ADD3: variants seen among roughly 807,000 people sequenced by gnomAD.
ADD3 encodes adducin 3.
In ADD3, 25 loss-of-function variants were observed where a neutral mutation model predicts 80.2. The observed-to-expected ratio is 0.31, with a 90% CI of 0.23 to 0.44. The LOEUF (loss-of-function observed/expected upper bound fraction) is 0.44, where lower values mean the gene tolerates loss of function less well. Among genes scored for constraint, ADD3 ranks in the 20% least tolerant of loss-of-function variants. The probability of loss-of-function intolerance (pLI) is 1.00; values close to 1 mark genes in which losing one functional copy is unlikely to be tolerated. For missense variants in ADD3, 829 were observed against 847.5 expected (o/e 0.98, Z 0.27); for synonymous variants, 284 against 289.6 (o/e 0.98, Z 0.20).
At chr10:110,063,737 T>TCATA (rs1554926923) in intron 1 of ADD3, among the ~76,000 whole-genome samples, 2 of 64,656 alleles carry the variant, frequency 3.1e-5, no homozygotes, top group African/African-American at 6.1e-5. Context: ...TATATATTCA[T>TCATA]TATATATATA....
intron 1 of ADD3, among the ~76,000 whole-genome samples, chr10:110,080,945 A>T (rs1845988217): frequency 6.6e-6 from 1 of 152,194 alleles, no homozygotes; most frequent in South Asian, 2.1e-4. Flanking sequence ...CACACATAGG[A>T]TATTTAGCAT....
In ADD3 at chr10:110,010,477, T is replaced by A. The variant is rs556705634; in HGVS notation, c.-30+2178T>A. Among the ~76,000 whole-genome samples, 26 of 152,308 alleles carry A rather than the reference T, an allele frequency of 1.7e-4. No homozygotes were observed. The South Asian group carries it at 5.2e-3, about 30-fold the overall frequency. Reference sequence around the variant, plus strand: ...CATCAGAACTTTAGCTTAACCGAGTTGTTATATGTAAAGTGCTTAGAATGG... The same window carrying A: ...CATCAGAACTTTAGCTTAACCGAGTAGTTATATGTAAAGTGCTTAGAATGG... On this transcript the variant is annotated intron_variant, in intron 1 of 14. Transcript: ENST00000356080.
chr10:110,096,846 A>AT (rs1848228919), intron 1 of ADD3, among the ~76,000 whole-genome samples: 1 of 152,196 alleles, frequency 6.6e-6, no homozygotes, highest in African/African-American at 2.4e-5. Flanking sequence ...CCGTCTTTGA[A>AT]AAACGATGTA....
intron 2 of ADD3, among the ~76,000 whole-genome samples, chr10:110,101,226 C>T (rs2133955665): frequency 6.6e-6 from 1 of 152,288 alleles, no homozygotes; most frequent in East Asian, 1.9e-4. Flanking sequence ...TACCTTGACG[C>T]TCAGAGTGGC....
chr10:110,024,317 G>A (rs1319405432), intron 1 of ADD3, among the ~76,000 whole-genome samples: 2 of 152,118 alleles, frequency 1.3e-5, no homozygotes, highest in Admixed American at 1.3e-4. Context: ...GGTTTATCTT[G>A]AAACTTCAAA....
intron 12 of ADD3, among the ~76,000 whole-genome samples, chr10:110,130,056 A>G (rs1037384024): frequency 2.0e-5 from 3 of 152,122 alleles, no homozygotes; most frequent in Admixed American, 2.0e-4. Context: ...TGTTTTTTTC[A>G]AGTTTTTTTT....
At chr10:110,021,323 G>A (rs186788284) in intron 1 of ADD3, among the ~76,000 whole-genome samples, 72 of 152,264 alleles carry the variant, frequency 4.7e-4, no homozygotes. Flanking sequence ...AGTTAACGTG[G>A]TTAAAAATGG....
intron 1 of ADD3, among the ~76,000 whole-genome samples, chr10:110,083,926 T>C (rs2133799831): frequency 6.6e-6 from 1 of 152,288 alleles, no homozygotes; most frequent in Non-Finnish European, 1.5e-5. Context: ...ACACAAAATA[T>C]TTACCAAACT....
In ADD3 at chr10:110,124,067, T is replaced by C; in HGVS notation, c.1194T>C (p.Pro398=). The change falls in exon 10 of 15, where the codon CCT becomes CCC. Residue 398 remains proline (P), a synonymous_variant. Coordinates refer to ENST00000356080, the MANE Select transcript of ADD3 (RefSeq NM_016824.5). Reference sequence around the variant, plus strand: ...GGCATCCTCTCATTCGAGAGAAGCCTAGGCACAAGAGTGATGTGGAAATCC... The same window carrying C: ...GGCATCCTCTCATTCGAGAGAAGCCCAGGCACAAGAGTGATGTGGAAATCC... ...AYRHPLIREK[P]RHKSDVEIPA... 1 of 1,614,168 alleles carries C rather than the reference T, an allele frequency of 6.2e-7. No individual in the cohort carries two copies. Among genetic ancestry groups the C allele is most frequent in the Non-Finnish European group, 8.5e-7 (1 of 1,179,998 alleles).
chr10:110,126,745 CTG>C (rs1308355584), intron 12 of ADD3, among the ~76,000 whole-genome samples: 1 of 152,172 alleles, frequency 6.6e-6, no homozygotes, highest in East Asian at 1.9e-4. Context: ...AGGTCTCACT[CTG>C]TTGCCCAGGA....
chr10:110,083,915 GAC>G (rs1846377773), intron 1 of ADD3, among the ~76,000 whole-genome samples: 2 of 152,238 alleles, frequency 1.3e-5, no homozygotes, highest in East Asian at 1.9e-4. Context: ...ATCAAAAGTA[GAC>G]ACAAAATATT....
rs1589676324 is a variant in ADD3 at position 109,998,519 on chromosome 10, G to A, written n.79+2073G>A. On this transcript the variant is annotated intron_variant and non_coding_transcript_variant, in intron 1 of 5. Transcript: ENST00000468251. Reference sequence around the variant, plus strand: ...GTGTTCATTCTGCACATAGCAGCCAGGAAATTCCAAAAATGCAAATGAGAC... The same window carrying A: ...GTGTTCATTCTGCACATAGCAGCCAAGAAATTCCAAAAATGCAAATGAGAC... 2.0e-5 allele frequency among the ~76,000 whole-genome samples: 3 copies of A among 152,256 alleles called. No homozygotes were observed. In the East Asian group the frequency reaches 5.8e-4, roughly 29 times the overall value.
At chr10:110,005,124 G>A (rs888307918), upstream of ADD3, among the ~76,000 whole-genome samples, 4 of 151,846 alleles carry the variant, frequency 2.6e-5, no homozygotes, top group Non-Finnish European at 5.9e-5. Flanking sequence ...GTGCAGTGGC[G>A]CGATCTTGGC....
At chr10:110,028,715 A>G (rs1262833560) in intron 1 of ADD3, among the ~76,000 whole-genome samples, 1 of 152,224 alleles carries the variant, frequency 6.6e-6, no homozygotes, top group African/African-American at 2.4e-5. Flanking sequence ...AGAATCATTC[A>G]TACTCTGCAT....
chr10:110,083,449 G>T (rs577617879), intron 1 of ADD3, among the ~76,000 whole-genome samples: 2 of 152,218 alleles, frequency 1.3e-5, no homozygotes, highest in East Asian at 3.9e-4. Context: ...CTGGGAGGCG[G>T]GGCTTGCAGT....
At chr10:110,129,406 T>C (rs901468511) in intron 12 of ADD3, among the ~76,000 whole-genome samples, 2 of 151,936 alleles carry the variant, frequency 1.3e-5, no homozygotes, top group African/African-American at 4.8e-5. Flanking sequence ...GCCTTGGCCT[T>C]CCAAAGTGCT....
chr10:110,025,869 ATC>A (rs1420529509), intron 1 of ADD3, among the ~76,000 whole-genome samples: 1 of 152,154 alleles, frequency 6.6e-6, no homozygotes, highest in African/African-American at 2.4e-5. Context: ...AGAGACCCCA[ATC>A]TCTCAGATTT....
chr10:110,033,577 C>G (rs755687577), intron 1 of ADD3, among the ~76,000 whole-genome samples: 1 of 152,028 alleles, frequency 6.6e-6, no homozygotes, highest in Non-Finnish European at 1.5e-5. Flanking sequence ...CAGATGGGCC[C>G]GTTTCTGGGG....
At chr10:110,074,545 A>G (rs888682356) in intron 1 of ADD3, among the ~76,000 whole-genome samples, 3 of 151,882 alleles carry the variant, frequency 2.0e-5, no homozygotes, top group African/African-American at 7.3e-5. Context: ...CCTTAGGACA[A>G]TGAATTCAGT....
Sources: gnomAD v4.1 joint callset for allele counts (sites outside exome capture counted in the v4.1 genomes callset) on GRCh38, gnomAD v4.1.1 for gene constraint, MANE v1.5 for transcripts, NCBI Gene and HGNC (gene_info 2026-07-23, HGNC 2026-07-21) for gene names.